The following GUCY1A2 variants were observed in gnomAD, a reference collection of about 807,000 sequenced individuals.
GUCY1A2 encodes the protein guanylate cyclase soluble subunit alpha-2.
Under a neutral mutation model 63.5 loss-of-function variants are expected in GUCY1A2, and 27 were observed. The ratio of observed to expected loss-of-function variants is 0.43; its 90% CI spans 0.31 to 0.59. The LOEUF (loss-of-function observed/expected upper bound fraction) is 0.59. Among genes scored for constraint, GUCY1A2 ranks in the 20% least tolerant of loss-of-function variants. The probability of loss-of-function intolerance (pLI) is 0.11; values close to 1 mark genes in which losing one functional copy is unlikely to be tolerated. For synonymous variants in GUCY1A2, 364 were observed against 343.5 expected (o/e 1.06, Z -0.66); for missense variants, 768 against 913.3 (o/e 0.84, Z 2.05).
intron 3 of GUCY1A2, among the ~76,000 whole-genome samples, chr11:106,949,417 T>C (rs1445601288): frequency 6.6e-6 from 1 of 152,208 alleles, no homozygotes; most frequent in Non-Finnish European, 1.5e-5. Context: ...TACAGGCTTC[T>C]GTACATGGCT....
chr11:106,969,661 T>C (rs796327669), intron 3 of GUCY1A2, among the ~76,000 whole-genome samples: 47 of 152,318 alleles, frequency 3.1e-4, no homozygotes, highest in African/African-American at 1.1e-3. Context: ...GAGTTTGACA[T>C]ATGAAGTGAT....
chr11:106,944,793 TGCA>T (rs1387307424), intron 3 of GUCY1A2, among the ~76,000 whole-genome samples: 2 of 152,156 alleles, frequency 1.3e-5, no homozygotes, highest in Non-Finnish European at 2.9e-5. Context: ...ATCTAACAAG[TGCA>T]GTATCATAAA....
chr11:106,793,383 A>G (rs1283142099), intron 5 of GUCY1A2, among the ~76,000 whole-genome samples: 1 of 152,206 alleles, frequency 6.6e-6, no homozygotes, highest in Non-Finnish European at 1.5e-5. Flanking sequence ...GTGAGTCCCA[A>G]AACTGTAAAA....
rs1591227449 is a variant in GUCY1A2 at position 106,682,385 on chromosome 11, A to G, written c.*5164T>C. The G allele has an allele frequency of 4.8e-6, 1 of 208,234 alleles. No individual in the cohort carries two copies. Among genetic ancestry groups the G allele is most frequent in the East Asian group, 7.0e-5 (1 of 14,352 alleles). 12.9% of individuals were successfully genotyped at this position (208,234 alleles called of 1,614,324 possible). A position where few individuals can be genotyped will look rare whatever the true frequency, so the allele number is the denominator to read the frequency against. On this transcript the variant is annotated 3_prime_UTR_variant, in exon 8 of 8. Transcript: ENST00000526355. ...AGCATTACTTAGAGTGATTTTCTAA[A>G]CACAGATTCCTAGGCCCTACCTGAG...
chr11:106,681,027 C>T lies in GUCY1A2; in HGVS notation c.*6522G>A. On this transcript the variant is annotated 3_prime_UTR_variant, in exon 8 of 8. Coordinates refer to ENST00000526355, the MANE Select transcript of GUCY1A2 (RefSeq NM_000855.3). ...TGAAGTAAATTTAACTACTAAAGAA[C>T]TGATTATCATTGACTATGCCACATT... 4.8e-6 allele frequency: 1 copy of T among 206,410 alleles called. No homozygotes were observed. Among genetic ancestry groups the T allele is most frequent in the Non-Finnish European group, 9.9e-6 (1 of 101,068 alleles). 12.8% of individuals were successfully genotyped at this position (206,410 alleles called of 1,614,324 possible). A position where few individuals can be genotyped will look rare whatever the true frequency, so the allele number is the denominator to read the frequency against.
At chr11:106,965,926 T>A (rs201755464) in intron 3 of GUCY1A2, among the ~76,000 whole-genome samples, 1 of 145,888 alleles carries the variant, frequency 6.9e-6, no homozygotes, top group Admixed American at 6.8e-5. Context: ...AAGTGAAGGT[T>A]AAAAAAAAAA....
intron 6 of GUCY1A2, among the ~76,000 whole-genome samples, chr11:106,770,801 C>A (rs943090034): frequency 2.0e-5 from 3 of 148,940 alleles, no homozygotes; most frequent in Non-Finnish European, 4.5e-5. Flanking sequence ...TGCTTTTGCA[C>A]CAGGCAGTAA....
chr11:106,984,198 A>G (rs1484985599), intron 2 of GUCY1A2, among the ~76,000 whole-genome samples: 3 of 152,220 alleles, frequency 2.0e-5, no homozygotes. Flanking sequence ...AGGTACTTCA[A>G]GTCCAAGAAA....
intron 6 of GUCY1A2, among the ~76,000 whole-genome samples, chr11:106,750,746 T>A (rs1171398097): frequency 6.7e-6 from 1 of 149,564 alleles, no homozygotes; most frequent in African/African-American, 2.5e-5. Context: ...AAAAAAAAAA[T>A]TATGTATTTT....
intron 5 of GUCY1A2, among the ~76,000 whole-genome samples, chr11:106,793,203 A>C (rs1864693282): frequency 6.6e-6 from 1 of 151,988 alleles, no homozygotes; most frequent in Non-Finnish European, 1.5e-5. Flanking sequence ...ATGAGATCCC[A>C]GAACTAAATC....
At chr11:106,755,744 C>G (rs1355892244) in intron 6 of GUCY1A2, among the ~76,000 whole-genome samples, 1 of 152,006 alleles carries the variant, frequency 6.6e-6, no homozygotes, top group African/African-American at 2.4e-5. Flanking sequence ...TTTCACATTT[C>G]CTGAGGAGTG....
intron 6 of GUCY1A2, among the ~76,000 whole-genome samples, chr11:106,751,723 T>A (rs1480291844): frequency 6.6e-6 from 1 of 152,130 alleles, no homozygotes; most frequent in Non-Finnish European, 1.5e-5. Context: ...CCAGAGTGGA[T>A]TTATTTGTAG....
At position 106,678,629 on chromosome 11, in the gene GUCY1A2, G is replaced by T; in HGVS notation, c.*8920C>A. 1 of 210,584 alleles carries T rather than the reference G, an allele frequency of 4.7e-6. No individual in the cohort carries two copies. 13.0% of individuals were successfully genotyped at this position (210,584 alleles called of 1,614,324 possible). A position where few individuals can be genotyped will look rare whatever the true frequency, so the allele number is the denominator to read the frequency against. On this transcript the variant is annotated 3_prime_UTR_variant, in exon 8 of 8. Coordinates refer to ENST00000526355, the MANE Select transcript of GUCY1A2 (RefSeq NM_000855.3). ...GTTTCTTACTAGTCAGAGAGTCAGAGGTGATGTAACAATATTCATATTTGT... is the reference window on the plus strand; with the variant it reads ...GTTTCTTACTAGTCAGAGAGTCAGATGTGATGTAACAATATTCATATTTGT...
chr11:106,832,302 T>C (rs1007737446), intron 4 of GUCY1A2, among the ~76,000 whole-genome samples: 6 of 152,180 alleles, frequency 3.9e-5, no homozygotes, highest in Non-Finnish European at 7.3e-5. Context: ...TATAAATTAA[T>C]ACATTATTTG....
intron 4 of GUCY1A2, among the ~76,000 whole-genome samples, chr11:106,922,621 A>G (rs2119908101): frequency 7.2e-6 from 1 of 139,244 alleles, no homozygotes; most frequent in Non-Finnish European, 1.6e-5. Flanking sequence ...TCCTTATTAT[A>G]ATTACTCTCA....
intron 6 of GUCY1A2, among the ~76,000 whole-genome samples, chr11:106,715,404 A>G (rs1047566165): frequency 6.6e-6 from 1 of 152,192 alleles, no homozygotes; most frequent in Non-Finnish European, 1.5e-5. Flanking sequence ...TGTTAGGCTC[A>G]GCTCTAGATC....
At chr11:106,812,212 T>C (rs897278994) in intron 4 of GUCY1A2, among the ~76,000 whole-genome samples, 2 of 151,992 alleles carry the variant, frequency 1.3e-5, no homozygotes, top group Non-Finnish European at 2.9e-5. Context: ...CGCAAAAACC[T>C]TGATAAGCTT....
At chr11:106,825,069 G>A (rs1337201779) in intron 4 of GUCY1A2, 4 of 708,656 alleles carry the variant, frequency 5.6e-6, no homozygotes, top group Non-Finnish European at 6.9e-6. Flanking sequence ...TTATATGTAT[G>A]GATCTATATT....
intron 6 of GUCY1A2, among the ~76,000 whole-genome samples, chr11:106,744,932 G>T (rs1310034302): frequency 6.6e-6 from 1 of 152,082 alleles, no homozygotes; most frequent in Admixed American, 6.5e-5. Context: ...TGAAAAGGCT[G>T]CCTCATCAAA....
Sources: allele counts gnomAD v4.1 joint callset (sites outside exome capture counted in the v4.1 genomes callset), GRCh38; gene constraint gnomAD v4.1.1; transcripts MANE v1.5; gene names NCBI Gene and HGNC (gene_info 2026-07-23, HGNC 2026-07-21).